HTR7: variants seen among roughly 807,000 people sequenced by gnomAD.
HTR7 encodes 5-hydroxytryptamine receptor 7, also known as 5-HT-7.
A neutral mutation model predicts 34.0 loss-of-function variants in HTR7; 16 were observed. The ratio of observed to expected loss-of-function variants is 0.47; its 90% CI spans 0.32 to 0.71. HTR7 has a LOEUF of 0.71. Among genes scored for constraint, HTR7 ranks in the 30% least tolerant of loss-of-function variants. The pLI, the probability that HTR7 is intolerant of heterozygous loss-of-function variation, is 0.04. For missense variants in HTR7, 504 were observed against 625.5 expected (o/e 0.81, Z 2.07); for synonymous variants, 265 against 260.2 (o/e 1.02, Z -0.18).
intron 1 of HTR7, among the ~76,000 whole-genome samples, chr10:90,815,632 T>C (rs1161345081): frequency 6.6e-6 from 1 of 152,112 alleles, no homozygotes; most frequent in African/African-American, 2.4e-5. Context: ...GCTTGACACC[T>C]GGGTGACGGG....
chr10:90,763,905 G>A (rs1212350682), intron 1 of HTR7, among the ~76,000 whole-genome samples: 2 of 152,162 alleles, frequency 1.3e-5, no homozygotes, highest in African/African-American at 2.4e-5. Context: ...TGTAAATAGT[G>A]TTGCAGTAAA....
intron 1 of HTR7, among the ~76,000 whole-genome samples, chr10:90,773,139 G>C (rs1209974672): frequency 3.3e-5 from 5 of 152,188 alleles, no homozygotes; most frequent in African/African-American, 9.7e-5. Flanking sequence ...CAGTAACTCA[G>C]TATAGAAATA....
At chr10:90,744,145 G>A (rs1378951307) in intron 2 of HTR7, among the ~76,000 whole-genome samples, 1 of 151,630 alleles carries the variant, frequency 6.6e-6, no homozygotes, top group Non-Finnish European at 1.5e-5. Context: ...CCTGAGTCTG[G>A]AGGAGTCCAG....
chr10:90,843,087 G>A (rs1183550039), intron 1 of HTR7, among the ~76,000 whole-genome samples: 1 of 152,014 alleles, frequency 6.6e-6, no homozygotes, highest in Non-Finnish European at 1.5e-5. Flanking sequence ...GAGAATCAGA[G>A]GCACCATTCC....
intron 1 of HTR7, among the ~76,000 whole-genome samples, chr10:90,804,948 T>TA (rs1845680937): frequency 6.6e-6 from 1 of 152,186 alleles, no homozygotes; most frequent in African/African-American, 2.4e-5. Flanking sequence ...CAAAGACTCC[T>TA]CTGTTGGGAG....
chr10:90,758,045 T>A (rs188467759), intron 1 of HTR7, among the ~76,000 whole-genome samples: 2 of 152,010 alleles, frequency 1.3e-5, no homozygotes, highest in African/African-American at 4.8e-5. Flanking sequence ...GAGCTGAGAA[T>A]AGAAACAGAC....
Position 90,857,069 on chromosome 10 carries a change from G to T in HTR7, c.539+64C>A, listed in dbSNP as rs1020794977. 46 of 1,418,022 alleles carry T rather than the reference G, an allele frequency of 3.2e-5. No homozygotes were observed. The African/African-American group carries it at 5.1e-4, about 16-fold the overall frequency. 87.8% of individuals were successfully genotyped at this position (1,418,022 alleles called of 1,614,324 possible). A position where few individuals can be genotyped will look rare whatever the true frequency, so the allele number is the denominator to read the frequency against. On this transcript the variant is annotated intron_variant, in intron 1 of 3. Transcript: ENST00000336152. This position sits in a 1 kb window ranked among gnomAD's most constrained non-coding sequence, Gnocchi z 6.5. Reference sequence around the variant, plus strand: ...CTTGATCCTCCCAGGAAAGGCGAGCGCGCGGGGCTGAGCTGCCAGCCGGTC... The same window carrying T: ...CTTGATCCTCCCAGGAAAGGCGAGCTCGCGGGGCTGAGCTGCCAGCCGGTC...
chr10:90,774,869 A>G (rs56030721), intron 1 of HTR7, among the ~76,000 whole-genome samples: 21,896 of 152,252 alleles, frequency 0.14, 1,897 homozygotes, highest in East Asian at 0.2. Context: ...CTCATAGCGC[A>G]GTGGTAAGAA....
At chr10:90,806,660 A>G (rs1159126698) in intron 1 of HTR7, among the ~76,000 whole-genome samples, 3 of 152,156 alleles carry the variant, frequency 2.0e-5, no homozygotes, top group Non-Finnish European at 4.4e-5. Flanking sequence ...CCTAAAGGTA[A>G]AAGTTACCAG....
intron 1 of HTR7, among the ~76,000 whole-genome samples, chr10:90,854,791 C>A: frequency 6.6e-6 from 1 of 152,050 alleles, no homozygotes; most frequent in African/African-American, 2.4e-5. Context: ...TCCAAATACA[C>A]AAAAGCCTGT....
intron 1 of HTR7, among the ~76,000 whole-genome samples, chr10:90,795,334 G>T (rs1159809674): frequency 1.3e-5 from 2 of 152,150 alleles, no homozygotes; most frequent in African/African-American, 4.8e-5. Flanking sequence ...TATAACTACA[G>T]CACAAACTCA....
At chr10:90,796,219 C>A (rs1471900798) in intron 1 of HTR7, among the ~76,000 whole-genome samples, 1 of 152,088 alleles carries the variant, frequency 6.6e-6, no homozygotes, top group African/African-American at 2.4e-5. Flanking sequence ...CTGGGGGAAT[C>A]TCAGGATTTT....
intron 1 of HTR7, among the ~76,000 whole-genome samples, chr10:90,856,550 C>T (rs1846583581): frequency 6.6e-6 from 1 of 152,156 alleles, no homozygotes; most frequent in African/African-American, 2.4e-5. Context: ...CTCCAGTCAG[C>T]AAGCTCGCAA....
intron 1 of HTR7, among the ~76,000 whole-genome samples, chr10:90,767,730 T>C (rs1845045919): frequency 6.6e-6 from 1 of 152,278 alleles, no homozygotes; most frequent in Middle Eastern, 3.4e-3. Context: ...GGTTGGGCTG[T>C]AGGATGCTTC....
intron 1 of HTR7, among the ~76,000 whole-genome samples, chr10:90,805,030 G>A (rs1489343567): frequency 6.6e-6 from 1 of 152,160 alleles, no homozygotes; most frequent in African/African-American, 2.4e-5. Flanking sequence ...CTAAAACTCT[G>A]CACTGTTTTA....
At chr10:90,775,330 T>C (rs1396363114) in intron 1 of HTR7, among the ~76,000 whole-genome samples, 3 of 151,948 alleles carry the variant, frequency 2.0e-5, no homozygotes, top group African/African-American at 7.3e-5. Flanking sequence ...ATTACAGGGA[T>C]AGAGGGAGGG....
chr10:90,823,750 T>G (rs1015837451), intron 1 of HTR7, among the ~76,000 whole-genome samples: 2 of 152,200 alleles, frequency 1.3e-5, no homozygotes, highest in African/African-American at 4.8e-5. Flanking sequence ...AGAAGCCTGG[T>G]GGGAGTTGAT....
At chr10:90,753,260 A>G (rs1844771047) in intron 1 of HTR7, among the ~76,000 whole-genome samples, 1 of 152,166 alleles carries the variant, frequency 6.6e-6, no homozygotes, top group South Asian at 2.1e-4. Context: ...AGCCAGGCGC[A>G]GTGGCTCATG....
intron 1 of HTR7, among the ~76,000 whole-genome samples, chr10:90,809,121 G>A (rs545972006): frequency 4.6e-5 from 7 of 151,912 alleles, no homozygotes; most frequent in South Asian, 2.1e-4. Context: ...TCGCCAGGCC[G>A]AGCTAAGTCC....
Sources: allele counts gnomAD v4.1 joint callset (sites outside exome capture counted in the v4.1 genomes callset), GRCh38; gene constraint gnomAD v4.1.1; non-coding constraint Gnocchi (gnomAD v3.1); transcripts MANE v1.5; gene names NCBI Gene and HGNC (gene_info 2026-07-23, HGNC 2026-07-21).